Variants in SPATA6 observed in about 807,000 individuals in gnomAD.
SPATA6 encodes the protein spermatogenesis associated 6.
SPATA6 carries 56 observed loss-of-function variants against 65.3 expected under a neutral mutation model. The ratio of observed to expected loss-of-function variants is 0.86; its 90% confidence interval spans 0.69 to 1.07. The LOEUF is 1.07. SPATA6 is among the 50% of genes least tolerant of loss of function. The pLI, the probability that SPATA6 is intolerant of heterozygous loss-of-function variation, is 0.00. For synonymous variants in SPATA6, 199 were observed against 213.2 expected (o/e 0.93, Z 0.58); for missense variants, 590 against 594.8 (o/e 0.99, Z 0.08).
intron 3 of SPATA6, among the ~76,000 whole-genome samples, chr1:48,434,697 G>GGTGT (rs150440127): frequency 1.3e-5 from 2 of 150,842 alleles, no homozygotes; most frequent in Admixed American, 6.6e-5. Context: ...CACTTACGGG[G>GGTGT]GTGTGTGTGT....
chr1:48,277,991 AG>A, the SPATA6 span, among the ~76,000 whole-genome samples: 2 of 152,212 alleles, frequency 1.3e-5, no homozygotes, highest in African/African-American at 4.8e-5. Flanking sequence ...AAACTTCCAG[AG>A]GAATGATCAG....
At chr1:48,407,068 T>G (rs1223565518) in intron 5 of SPATA6, among the ~76,000 whole-genome samples, 1 of 152,208 alleles carries the variant, frequency 6.6e-6, no homozygotes, top group Non-Finnish European at 1.5e-5. Flanking sequence ...GAACTGCCAA[T>G]TTGGTGTTCA....
intron 9 of SPATA6, among the ~76,000 whole-genome samples, chr1:48,369,100 A>T (rs1445136754): frequency 6.6e-6 from 1 of 152,138 alleles, no homozygotes; most frequent in Non-Finnish European, 1.5e-5. Flanking sequence ...GTGGCTGCAG[A>T]ACAGCGGATT....
chr1:48,425,206 T>TATAG (rs1267108127), intron 3 of SPATA6, among the ~76,000 whole-genome samples: 2 of 152,194 alleles, frequency 1.3e-5, no homozygotes, highest in East Asian at 3.9e-4. Flanking sequence ...CTCTTTTGCA[T>TATAG]ATAGATACCC....
intron 1 of SPATA6, among the ~76,000 whole-genome samples, chr1:48,453,517 T>G (rs1246286088): frequency 6.6e-6 from 1 of 151,684 alleles, no homozygotes; most frequent in Non-Finnish European, 1.5e-5. Flanking sequence ...AACACTATAT[T>G]ATAGAATTTT....
intron 3 of SPATA6, among the ~76,000 whole-genome samples, chr1:48,425,263 T>A (rs1281040161): frequency 6.6e-6 from 1 of 152,156 alleles, no homozygotes; most frequent in Non-Finnish European, 1.5e-5. Flanking sequence ...TCCCCAGTGT[T>A]ATGTTTTTGA....
rs918219384 is a variant in SPATA6 at position 48,307,331 on chromosome 1, A to G, written c.1195-1453T>C. ...GTTATTCCTTTCAAATTTTCAGACT[A>G]TATTTTGTGATATTTTATATATATA... On this transcript the variant is annotated intron_variant, in intron 11 of 12. Coordinates refer to ENST00000371847, the MANE Select transcript of SPATA6 (RefSeq NM_019073.4). Among the ~76,000 whole-genome samples the G allele has an allele frequency of 2.0e-5, 3 of 148,470 alleles. No homozygotes were observed. The Admixed American group carries it at 2.0e-4, about 10-fold the overall frequency.
At chr1:48,365,976 C>T (rs931836746) in intron 9 of SPATA6, among the ~76,000 whole-genome samples, 1 of 152,164 alleles carries the variant, frequency 6.6e-6, no homozygotes, top group African/African-American at 2.4e-5. Flanking sequence ...CCATCAATAC[C>T]TAATCTATTG....
At chr1:48,321,183 G>A (rs1645588663) in intron 11 of SPATA6, among the ~76,000 whole-genome samples, 1 of 152,060 alleles carries the variant, frequency 6.6e-6, no homozygotes, top group African/African-American at 2.4e-5. Flanking sequence ...AACACTGAAT[G>A]AAAATGGACA....
Position 48,305,892 on chromosome 1 carries a change from A to C in SPATA6, c.1195-14T>G. 1 of 1,601,360 alleles carries C rather than the reference A, an allele frequency of 6.2e-7. No homozygotes were observed. Among genetic ancestry groups the C allele is most frequent in the Non-Finnish European group, 8.5e-7 (1 of 1,170,388 alleles). ...GTCTCTCTCATCCTGAAAAATTTTA[A>C]AGATTTCCATTAACTCACTGTCTCA... On this transcript the variant is annotated splice_polypyrimidine_tract_variant and intron_variant, in intron 11 of 12. Transcript: ENST00000371847.
intron 12 of SPATA6, among the ~76,000 whole-genome samples, chr1:48,305,501 T>C (rs889246999): frequency 1.3e-5 from 2 of 152,090 alleles, no homozygotes; most frequent in Non-Finnish European, 2.9e-5. Flanking sequence ...TGGTGTAAAA[T>C]TATAAGAACT....
At chr1:48,305,914 C>T in intron 11 of SPATA6, 36 bp from the exon 12 acceptor site, 1 of 1,502,086 alleles carries the variant, frequency 6.7e-7, no homozygotes, top group Non-Finnish European at 9.2e-7. Context: ...AACTCACTGT[C>T]TCATTGTCCC....
At chr1:48,391,658 GA>G (rs1650086052) in intron 8 of SPATA6, among the ~76,000 whole-genome samples, 1 of 152,028 alleles carries the variant, frequency 6.6e-6, no homozygotes, top group African/African-American at 2.4e-5. Context: ...TCAAATGTAA[GA>G]AATCAAGGAG....
intron 11 of SPATA6, among the ~76,000 whole-genome samples, chr1:48,328,430 A>C (rs1334993710): frequency 6.6e-6 from 1 of 152,184 alleles, no homozygotes; most frequent in African/African-American, 2.4e-5. Flanking sequence ...CCAGCCATAT[A>C]AAAAAGAATA....
chr1:48,292,259 A>G (rs1644772878), downstream of SPATA6, among the ~76,000 whole-genome samples: 1 of 152,216 alleles, frequency 6.6e-6, no homozygotes, highest in Non-Finnish European at 1.5e-5. Flanking sequence ...GTCTAATGGC[A>G]TGTGAGATGC....
intron 11 of SPATA6, among the ~76,000 whole-genome samples, chr1:48,330,676 G>A (rs766150533): frequency 2.6e-5 from 4 of 152,238 alleles, no homozygotes; most frequent in Non-Finnish European, 4.4e-5. Flanking sequence ...GAGGGGCACA[G>A]CCTCCTGCTG....
At chr1:48,325,825 C>A in intron 11 of SPATA6, 1 of 428,460 alleles carries the variant, frequency 2.3e-6, no homozygotes, top group South Asian at 2.3e-5. Context: ...GAGGCTCCAA[C>A]TGAATGTGAC....
chr1:48,445,563 G>A (rs960107409), intron 3 of SPATA6, among the ~76,000 whole-genome samples: 1 of 149,798 alleles, frequency 6.7e-6, no homozygotes, highest in African/African-American at 2.5e-5. Flanking sequence ...GGGAGGCTGA[G>A]GCAGGAGAAT....
At chr1:48,439,084 T>C (rs144374349) in intron 3 of SPATA6, among the ~76,000 whole-genome samples, 11,830 of 152,168 alleles carry the variant, frequency 0.078, 622 homozygotes, top group East Asian at 0.23. Context: ...CACTTCATTT[T>C]TGGGGCATAA....
Sources: allele counts gnomAD v4.1 joint callset (sites outside exome capture counted in the v4.1 genomes callset), GRCh38; gene constraint gnomAD v4.1.1; transcripts MANE v1.5; gene names NCBI Gene and HGNC (gene_info 2026-07-23, HGNC 2026-07-21).